IL22RA2: variants seen among roughly 807,000 people sequenced by gnomAD.
IL22RA2 encodes the protein interleukin-22 receptor subunit alpha-2.
A neutral mutation model predicts 30.7 loss-of-function variants in IL22RA2; 39 were observed. The observed-to-expected ratio is 1.27, with a 90% CI of 0.98 to 1.66. IL22RA2 has a LOEUF of 1.66. IL22RA2 is among the 40% of genes most tolerant of loss of function. IL22RA2 has a pLI of 0.00. For missense variants in IL22RA2, 315 were observed against 312.7 expected, an observed-to-expected ratio of 1.01 and a Z score of -0.05; for synonymous variants, 103 against 105.0, an observed-to-expected ratio of 0.98 and a Z score of 0.11.
At position 137,166,011 on chromosome 6, in the gene IL22RA2, G is replaced by T. The variant is rs377650239; in HGVS notation, c.-65-4197C>A. 9.2e-4 allele frequency among the ~76,000 whole-genome samples: 140 copies of T among 152,304 alleles called. 3 individuals are homozygous for T. The South Asian group carries it at 0.028, about 30-fold the overall frequency. On this transcript the variant is annotated intron_variant, in intron 1 of 6. Coordinates refer to ENST00000296980, the MANE Select transcript of IL22RA2 (RefSeq NM_052962.3). ...CTGCTGATAGAATGGGCGGAGCATG[G>T]AAAGCCCCCATTGTGTGGCCCAGGG... is the stretch of plus-strand genomic sequence containing the variant.
intron 3 of IL22RA2, among the ~76,000 whole-genome samples, chr6:137,157,863 A>C (rs1274694649): frequency 1.3e-5 from 2 of 152,198 alleles, no homozygotes; most frequent in African/African-American, 4.8e-5. Context: ...GTTCATGCTT[A>C]CGAGAGTCAT....
chr6:137,156,527 T>G (rs575539446), intron 4 of IL22RA2, among the ~76,000 whole-genome samples: 1 of 152,354 alleles, frequency 6.6e-6, no homozygotes, highest in Non-Finnish European at 1.5e-5. Flanking sequence ...AATATCTCAT[T>G]GTTTATCCTA....
intron 5 of IL22RA2, among the ~76,000 whole-genome samples, chr6:137,154,353 A>G (rs1211908316): frequency 6.6e-6 from 1 of 152,110 alleles, no homozygotes; most frequent in Non-Finnish European, 1.5e-5. Flanking sequence ...GGTGGCTCAC[A>G]CCCATAATCC....
chr6:137,171,987 C>G (rs1778744648), intron 1 of IL22RA2, among the ~76,000 whole-genome samples: 1 of 152,194 alleles, frequency 6.6e-6, no homozygotes, highest in African/African-American at 2.4e-5. Flanking sequence ...TTTATGTTCC[C>G]TTTTCACCTC....
In IL22RA2 at chr6:137,158,490, A is replaced by G. The variant is rs761985099; in HGVS notation, c.62-8T>C. On this transcript the variant is annotated splice_polypyrimidine_tract_variant and splice_region_variant and intron_variant, in intron 2 of 6. Transcript: ENST00000296980. ...CATGCGTTGACTGAGTTCCTAAGAT[A>G]ATAAGAGAAGGAAGAACATTGAACG... is the stretch of plus-strand genomic sequence containing the variant. 4.3e-6 allele frequency: 7 copies of G among 1,613,870 alleles called. No individual in the cohort carries two copies. The Admixed American group carries it at 1.2e-4, about 27-fold the overall frequency.
At chr6:137,173,132 A>G (rs1854155) in intron 1 of IL22RA2, among the ~76,000 whole-genome samples, 76,463 of 152,124 alleles carry the variant, frequency 0.5, 20,735 homozygotes, top group African/African-American at 0.71. Context: ...AGCACTTTGG[A>G]AGGCGGAGGT....
rs543735488 is a variant in IL22RA2 at position 137,154,885 on chromosome 6, G to A, written c.472+56C>T. On this transcript the variant is annotated intron_variant, in intron 5 of 6. Transcript: ENST00000296980. ...AAGGCCTAGTCACTAGCCGTGCTCC[G>A]GGAGGGCTGTCCAAAAGCAGGAAGA... 2.2e-5 allele frequency: 33 copies of A among 1,500,824 alleles called. No individual in the cohort carries two copies. The East Asian group carries it at 2.7e-4, about 12-fold the overall frequency. The allele number at this position is 1,500,824 out of a possible 1,614,324, so 93.0% of individuals were successfully genotyped here. A position where few individuals can be genotyped will look rare whatever the true frequency, so the allele number is the denominator to read the frequency against.
chr6:137,165,703 T>C (rs1778613466), intron 1 of IL22RA2, among the ~76,000 whole-genome samples: 2 of 152,260 alleles, frequency 1.3e-5, no homozygotes, highest in South Asian at 4.1e-4. Context: ...GTGCCCTTGT[T>C]AGGAAGAGAT....
At position 137,168,450 on chromosome 6, in the gene IL22RA2, A is replaced by G. The variant is rs561791125; in HGVS notation, c.-66+4963T>C. On this transcript the variant is annotated intron_variant, in intron 1 of 6. Transcript: ENST00000296980. ...TTACGCGCATAAAGGGCCCGTCTCCATATATTTTGATGCCTGCCAAGCTGC... is the reference window on the plus strand; with the variant it reads ...TTACGCGCATAAAGGGCCCGTCTCCGTATATTTTGATGCCTGCCAAGCTGC... Among the ~76,000 whole-genome samples, 27 of 152,344 alleles carry G rather than the reference A, an allele frequency of 1.8e-4. No homozygotes were observed. The South Asian group carries it at 5.4e-3, about 30-fold the overall frequency.
At position 137,144,916 on chromosome 6, in the gene IL22RA2, A is replaced by G. The variant is rs1429811374; in HGVS notation, c.*708T>C. ...AAAACAAACAGAAAAGAAAAGCTTAATATATCTTTTAAATGAGGGACAATT... is the reference window on the plus strand; with the variant it reads ...AAAACAAACAGAAAAGAAAAGCTTAGTATATCTTTTAAATGAGGGACAATT... On this transcript the variant is annotated 3_prime_UTR_variant, in exon 7 of 7. Transcript: ENST00000296980. The G allele has an allele frequency of 6.6e-6, 1 of 152,198 alleles. No individual in the cohort carries two copies. The highest frequency in any genetic ancestry group is 1.5e-5 in the Non-Finnish European group (1 of 68,030). The allele number at this position is 152,198 out of a possible 1,614,324, so 9.4% of individuals were successfully genotyped here.
rs1778158718 is a variant in IL22RA2, at chr6:137,145,476, G to T, written c.*148C>A. 1.6e-6 allele frequency: 1 copy of T among 620,292 alleles called. No homozygotes were observed. The highest frequency in any genetic ancestry group is 2.6e-6 in the Non-Finnish European group (1 of 381,608). The allele number at this position is 620,292 out of a possible 1,614,324, so 38.4% of individuals were successfully genotyped here. A position where few individuals can be genotyped will look rare whatever the true frequency, so the allele number is the denominator to read the frequency against. On this transcript the variant is annotated 3_prime_UTR_variant, in exon 7 of 7. Coordinates refer to ENST00000296980, the MANE Select transcript of IL22RA2 (RefSeq NM_052962.3). ...ATGAAATATAAAGGATAAAAGAATG[G>T]ATAAACAAAGAAGTCCCCAAGGTGT...
At chr6:137,163,533 C>T (rs1028266647) in intron 1 of IL22RA2, among the ~76,000 whole-genome samples, 1 of 152,120 alleles carries the variant, frequency 6.6e-6, no homozygotes, top group Non-Finnish European at 1.5e-5. Flanking sequence ...TCCAACAGTG[C>T]AAATGGAACC....
chr6:137,164,695 A>G (rs1005842396), intron 1 of IL22RA2, among the ~76,000 whole-genome samples: 1 of 152,246 alleles, frequency 6.6e-6, no homozygotes, highest in African/African-American at 2.4e-5. Context: ...CCAAGGGAGG[A>G]ACTCCAGGGT....
chr6:137,154,830 G>A, intron 5 of IL22RA2, 111 bp downstream of exon 5: 2 of 825,628 alleles, frequency 2.4e-6, no homozygotes, highest in Non-Finnish European at 4.0e-6. Flanking sequence ...GACCAAAAGA[G>A]ATAATGATGT....
chr6:137,155,141 G>A, intron 4 of IL22RA2, 22 bp from the exon 5 acceptor site: 1 of 1,498,688 alleles, frequency 6.7e-7, no homozygotes, highest in Non-Finnish European at 8.9e-7. Flanking sequence ...AAAAGGCAAA[G>A]ATCTGAGTTT....
At position 137,144,779 on chromosome 6, in the gene IL22RA2, A is replaced by G. The variant is rs994124784; in HGVS notation, c.*845T>C. ...CGCCACAAGCAAGACACTCTTGGCC[A>G]GAAGGATTGAGTAATGAGGTTTCCT... On this transcript the variant is annotated 3_prime_UTR_variant, in exon 7 of 7. Transcript: ENST00000296980. 1.3e-5 allele frequency: 2 copies of G among 152,272 alleles called. No homozygotes were observed. Among genetic ancestry groups the G allele is most frequent in the Non-Finnish European group, 2.9e-5 (2 of 68,044 alleles). The allele number at this position is 152,272 out of a possible 1,614,324, so 9.4% of individuals were successfully genotyped here.
chr6:137,165,395 T>G (rs1455215159), intron 1 of IL22RA2, among the ~76,000 whole-genome samples: 1 of 152,036 alleles, frequency 6.6e-6, no homozygotes, highest in East Asian at 1.9e-4. Context: ...TTTGAAGGTG[T>G]GAATATTACC....
At chr6:137,170,250 G>A (rs1315049403) in intron 1 of IL22RA2, among the ~76,000 whole-genome samples, 1 of 152,222 alleles carries the variant, frequency 6.6e-6, no homozygotes, top group Non-Finnish European at 1.5e-5. Context: ...CCAAAAGGGG[G>A]AAATGAAGAA....
chr6:137,146,053 A>G (rs1176653925), intron 6 of IL22RA2, among the ~76,000 whole-genome samples: 1 of 152,078 alleles, frequency 6.6e-6, no homozygotes, highest in Non-Finnish European at 1.5e-5. Context: ...GTTTTTTGAG[A>G]TACAGTTTCA....
Sources: allele counts gnomAD v4.1 joint callset (sites outside exome capture counted in the v4.1 genomes callset), GRCh38; gene constraint gnomAD v4.1.1; transcripts MANE v1.5; gene names NCBI Gene and HGNC (gene_info 2026-07-23, HGNC 2026-07-21).